The following RFFL variants were observed in gnomAD, a reference collection of about 807,000 sequenced individuals.
RFFL encodes ring finger and FYVE like domain containing E3 ubiquitin protein ligase.
A neutral mutation model predicts 40.4 loss-of-function variants in RFFL; 16 were observed. The observed-to-expected ratio is 0.40, with a 90% CI of 0.27 to 0.60. The LOEUF is 0.60. RFFL is among the 20% of genes least tolerant of loss of function. The probability of loss-of-function intolerance (pLI) is 0.47; values close to 1 mark genes in which losing one functional copy is unlikely to be tolerated. For synonymous variants in RFFL, 154 were observed against 167.9 expected, an observed-to-expected ratio of 0.92 and a Z score of 0.64; for missense variants, 367 against 451.7, an observed-to-expected ratio of 0.81 and a Z score of 1.70.
intron 1 of RFFL, among the ~76,000 whole-genome samples, chr17:35,053,815 C>T (rs1452221117): frequency 6.6e-6 from 1 of 152,200 alleles, no homozygotes; most frequent in African/African-American, 2.4e-5. Flanking sequence ...ATTTGATTGC[C>T]AGATCTCTTG....
intron 1 of RFFL, among the ~76,000 whole-genome samples, chr17:35,031,862 G>A (rs1037055151): frequency 3.3e-5 from 5 of 151,960 alleles, no homozygotes; most frequent in African/African-American, 4.8e-5. Context: ...TTGGCAGGCC[G>A]AGGCAGGAGG....
intron 1 of RFFL, among the ~76,000 whole-genome samples, chr17:35,030,015 A>G (rs1438405978): frequency 1.3e-5 from 2 of 150,852 alleles, no homozygotes; most frequent in Non-Finnish European, 2.9e-5. Flanking sequence ...TACAAAGGAC[A>G]TGAACTCATC....
chr17:35,026,303 G>C, intron 2 of RFFL, 71 bp downstream of exon 2: 4 of 1,462,338 alleles, frequency 2.7e-6, no homozygotes, highest in Non-Finnish European at 3.7e-6. Flanking sequence ...CAGGCATTCA[G>C]AGGGGTCAGT....
chr17:35,021,357 A>G lies in RFFL; in HGVS notation c.591+14T>C. 6.6e-7 allele frequency: 1 copy of G among 1,517,914 alleles called. No homozygotes were observed. The highest frequency in any genetic ancestry group is 8.8e-7 in the Non-Finnish European group (1 of 1,135,082). 94.0% of individuals were successfully genotyped at this position (1,517,914 alleles called of 1,614,324 possible). On this transcript the variant is annotated intron_variant, in intron 3 of 6. Transcript: ENST00000394597. ...ACTGGCACAGACTGGCAGAGACTAC[A>G]AATGGGCCCTTACCTGCTGATTCTC...
chr17:35,072,280 CAAA>C (rs373207024), intron 1 of RFFL, among the ~76,000 whole-genome samples: 2 of 69,980 alleles, frequency 2.9e-5, no homozygotes, highest in Non-Finnish European at 6.1e-5. Context: ...GACACTGTCT[CAAA>C]AAAAAAAAAA....
intron 1 of RFFL, among the ~76,000 whole-genome samples, chr17:35,045,764 C>T (rs1212470819): frequency 6.6e-6 from 1 of 152,018 alleles, no homozygotes; most frequent in African/African-American, 2.4e-5. Context: ...TGGCTCACGC[C>T]TGTAATCGCA....
intron 1 of RFFL, among the ~76,000 whole-genome samples, chr17:35,079,204 G>T (rs1016006793): frequency 1.3e-4 from 20 of 152,050 alleles, no homozygotes; most frequent in African/African-American, 4.6e-4. Flanking sequence ...TGTATTTTTA[G>T]TAGAGACGAG....
At chr17:35,013,227 C>T (rs2090951896) in intron 6 of RFFL, among the ~76,000 whole-genome samples, 1 of 152,234 alleles carries the variant, frequency 6.6e-6, no homozygotes, top group African/African-American at 2.4e-5. Context: ...CAGGCTGGCC[C>T]CACAGCTCCT....
intron 1 of RFFL, among the ~76,000 whole-genome samples, chr17:35,081,201 T>A (rs773716986): frequency 6.6e-6 from 1 of 152,182 alleles, no homozygotes; most frequent in South Asian, 2.1e-4. Context: ...AGGTTATAAC[T>A]CCATGAAATC....
chr17:35,065,491 G>T (rs1460975262), upstream of RFFL, among the ~76,000 whole-genome samples: 1 of 151,392 alleles, frequency 6.6e-6, no homozygotes, highest in Non-Finnish European at 1.5e-5. Context: ...GGGAGGCAGA[G>T]GTTGCAGTCA....
upstream of RFFL, among the ~76,000 whole-genome samples, chr17:35,064,604 G>GA (rs1418009252): frequency 2.2e-4 from 33 of 150,606 alleles, no homozygotes; most frequent in Non-Finnish European, 4.4e-4. Flanking sequence ...AATTTGACAA[G>GA]AGAGAAACTA....
At chr17:35,014,948 C>CTCG (rs1195065926) in intron 5 of RFFL, among the ~76,000 whole-genome samples, 185 bp from the exon 6 acceptor site, 2 of 152,172 alleles carry the variant, frequency 1.3e-5, no homozygotes, top group African/African-American at 2.4e-5. Flanking sequence ...AAAGCTCCTA[C>CTCG]TCGTGCATCT....
At position 35,016,297 on chromosome 17, in the gene RFFL, A is replaced by G. The variant is rs1597811926; in HGVS notation, c.886+73T>C. 13 of 1,352,782 alleles carry G rather than the reference A, an allele frequency of 9.6e-6. No individual in the cohort carries two copies. The South Asian group carries it at 1.5e-4, about 15-fold the overall frequency. 83.8% of individuals were successfully genotyped at this position (1,352,782 alleles called of 1,614,324 possible). The stretch of plus-strand genomic sequence containing the variant: ...TTAAGTGTGGAAATTGAGTCAGGTC[A>G]ATACCATCATGCTTTGGAGTGACAG... On this transcript the variant is annotated intron_variant, in intron 5 of 6. Transcript: ENST00000394597.
At chr17:35,017,697 T>C (rs1055298034) in intron 3 of RFFL, 91 bp from the exon 4 acceptor site, 2 of 852,584 alleles carry the variant, frequency 2.3e-6, no homozygotes, top group Non-Finnish European at 1.9e-6. Flanking sequence ...ATGTCCAGAA[T>C]GTACTCCCAT....
At chr17:35,054,718 T>G (rs1052654391) in intron 1 of RFFL, among the ~76,000 whole-genome samples, 3 of 152,194 alleles carry the variant, frequency 2.0e-5, no homozygotes, top group Non-Finnish European at 4.4e-5. Flanking sequence ...AGCAGTGTCA[T>G]GCAAGGTTTA....
chr17:35,011,716 C>A lies in RFFL; in HGVS notation c.*252G>T. ...CTCTGTTCATCAGTTACCATCATCA[C>A]TCCAAGATCACTGAACCAAGAACAT... On this transcript the variant is annotated 3_prime_UTR_variant, in exon 7 of 7. Coordinates refer to ENST00000394597, the MANE Select transcript of RFFL (RefSeq NM_001017368.2). The A allele has an allele frequency of 2.1e-6, 1 of 476,138 alleles. No homozygotes were observed. The highest frequency in any genetic ancestry group is 3.6e-5 in the Admixed American group (1 of 27,850). 29.5% of individuals were successfully genotyped at this position (476,138 alleles called of 1,614,324 possible).
At chr17:35,045,436 G>C (rs929614662) in intron 1 of RFFL, among the ~76,000 whole-genome samples, 4 of 151,614 alleles carry the variant, frequency 2.6e-5, no homozygotes, top group African/African-American at 9.7e-5. Flanking sequence ...GTTTTACTAT[G>C]TTGGCCAGGC....
chr17:35,076,414 T>C (rs1026552432), intron 1 of RFFL, among the ~76,000 whole-genome samples: 1 of 151,924 alleles, frequency 6.6e-6, no homozygotes, highest in African/African-American at 2.4e-5. Flanking sequence ...GGCGTGGTGA[T>C]TCATGCCTAT....
rs1405708792 is a variant in RFFL at position 35,011,988 on chromosome 17, C to T, written c.1072G>A (p.Val358Met). ...PICRQYVIRA[V>M]HVFRS ...AGCTCTCAGGACCGGAAGACATGCACAGCTCGGATTACATACTGCCGGCAG... is the reference window on the plus strand; with the variant it reads ...AGCTCTCAGGACCGGAAGACATGCATAGCTCGGATTACATACTGCCGGCAG... Residue 358 changes from valine to methionine, a missense_variant, in exon 7 of 7, where the codon GTG becomes ATG. Coordinates refer to ENST00000394597, the MANE Select transcript of RFFL (RefSeq NM_001017368.2). 1.9e-6 allele frequency: 3 copies of T among 1,614,168 alleles called. No individual in the cohort carries two copies. Among genetic ancestry groups the T allele is most frequent in the African/African-American group, 1.3e-5 (1 of 75,046 alleles).
Sources: gnomAD v4.1 joint callset for allele counts (sites outside exome capture counted in the v4.1 genomes callset) on GRCh38, gnomAD v4.1.1 for gene constraint, MANE v1.5 for transcripts, NCBI Gene and HGNC (gene_info 2026-07-23, HGNC 2026-07-21) for gene names.